The following GABRR2 variants were observed in gnomAD, a reference collection of about 807,000 sequenced individuals.
The protein encoded by GABRR2 is gamma-aminobutyric acid receptor subunit rho-2.
Under a neutral mutation model 47.0 loss-of-function variants are expected in GABRR2, and 36 were observed. The ratio of observed to expected loss-of-function variants is 0.77; its 90% CI spans 0.59 to 1.01. GABRR2 has a LOEUF of 1.01. Ranked by LOEUF, GABRR2 falls within the 50% of genes least tolerant of loss-of-function variation. The pLI is 0.00. For synonymous variants in GABRR2, 204 were observed against 227.5 expected (o/e 0.90, Z 0.93); for missense variants, 587 against 594.6 (o/e 0.99, Z 0.13).
chr6:89,269,121 C>T lies in GABRR2; in HGVS notation c.402G>A (p.Trp134Ter), dbSNP rs1773982723. ...TFDGRLVKKI[W>*]VPDVFFVHSK... Reference sequence around the variant, plus strand: ...AGTGAACAAAGAAGACATCAGGGACCCAGATCTTCTTCACCAGCCGGCCAT... The same window carrying T: ...AGTGAACAAAGAAGACATCAGGGACTCAGATCTTCTTCACCAGCCGGCCAT... Residue 134 changes from tryptophan (W) to a stop codon, truncating the protein, a stop_gained, in exon 4 of 9, where the codon TGG becomes TGA. Transcript: ENST00000402938. LOFTEE classifies it high-confidence loss of function. 1.2e-6 allele frequency: 2 copies of T among 1,614,010 alleles called. No homozygotes were observed. Among genetic ancestry groups the T allele is most frequent in the Admixed American group, 3.3e-5 (2 of 60,026 alleles).
chr6:89,282,132 ACT>A (rs139871150), intron 2 of GABRR2, among the ~76,000 whole-genome samples: 5,568 of 151,628 alleles, frequency 0.037, 353 homozygotes, highest in African/African-American at 0.13. Flanking sequence ...ATATATACAC[ACT>A]CTCTCACACA....
chr6:89,291,448 C>T (rs569552798), intron 2 of GABRR2, among the ~76,000 whole-genome samples: 2 of 152,156 alleles, frequency 1.3e-5, no homozygotes, highest in Admixed American at 6.5e-5. Context: ...TTTTGGTATG[C>T]CCCAGCTCTG....
At chr6:89,274,918 A>C (rs1267114096) in intron 2 of GABRR2, among the ~76,000 whole-genome samples, 1 of 151,880 alleles carries the variant, frequency 6.6e-6, no homozygotes, top group East Asian at 1.9e-4. Context: ...ACGCAAAGAG[A>C]CTTCTCTTTG....
chr6:89,262,436 C>T (rs1054316399), intron 8 of GABRR2, among the ~76,000 whole-genome samples: 3 of 152,176 alleles, frequency 2.0e-5, no homozygotes, highest in Admixed American at 2.0e-4. Flanking sequence ...ACACCTTCTC[C>T]TTCAAAGTGC....
intron 1 of GABRR2, among the ~76,000 whole-genome samples, chr6:89,310,324 T>G (rs1302268881): frequency 6.6e-6 from 1 of 152,180 alleles, no homozygotes; most frequent in Non-Finnish European, 1.5e-5. Context: ...GTCTGGCTTC[T>G]CCACAGCTGC....
chr6:89,268,013 C>T lies in GABRR2; in HGVS notation c.595+1G>A, dbSNP rs199951900. 1.9e-6 allele frequency: 3 copies of T among 1,610,236 alleles called. No homozygotes were observed. Among genetic ancestry groups the T allele is most frequent in the Middle Eastern group, 1.7e-4 (1 of 6,058 alleles). Reference sequence around the variant, plus strand: ...AAGGAATTAGGAATGCTGATACTTACAGCTCTCCAGCTCCAAAGAACAGGT... The same window carrying T: ...AAGGAATTAGGAATGCTGATACTTATAGCTCTCCAGCTCCAAAGAACAGGT... On this transcript the variant is annotated splice_donor_variant, in intron 5 of 8. Transcript: ENST00000402938. LOFTEE classifies it high-confidence loss of function.
At chr6:89,292,860 T>TACGA (rs1437383565) in intron 2 of GABRR2, among the ~76,000 whole-genome samples, 12 of 139,478 alleles carry the variant, frequency 8.6e-5, no homozygotes, top group Non-Finnish European at 9.1e-5. Context: ...ATATCATATA[T>TACGA]TATATATCTA....
In GABRR2 at chr6:89,301,860, T is replaced by C. The variant is rs534618082; in HGVS notation, c.114-1995A>G. The C allele has an allele frequency of 2.3e-4, 260 of 1,144,466 alleles. 3 individuals carry two copies. In the South Asian group the frequency reaches 3.0e-3, roughly 13 times the overall value. 70.9% of individuals were successfully genotyped at this position (1,144,466 alleles called of 1,614,324 possible). On this transcript the variant is annotated intron_variant, in intron 1 of 8. Coordinates refer to ENST00000402938, the MANE Select transcript of GABRR2 (RefSeq NM_002043.5). ...CCAAGTTCTGGGAAGTCATCAGTGA[T>C]GAGCATGGCATAGACCCCAGCGGCA...
At chr6:89,268,350 C>CT (rs991030687) in intron 4 of GABRR2, among the ~76,000 whole-genome samples, 2 of 152,224 alleles carry the variant, frequency 1.3e-5, no homozygotes, top group Non-Finnish European at 2.9e-5. Context: ...GTGCTGGCTG[C>CT]TAATGGCTCT....
chr6:89,307,393 A>G (rs2127850318), intron 1 of GABRR2, among the ~76,000 whole-genome samples: 1 of 152,312 alleles, frequency 6.6e-6, no homozygotes, highest in East Asian at 1.9e-4. Flanking sequence ...ATGATTCTCA[A>G]ACTTAGCTAC....
chr6:89,306,783 C>CA (rs5878088), intron 1 of GABRR2, among the ~76,000 whole-genome samples: 23,231 of 123,386 alleles, frequency 0.19, 1,802 homozygotes, highest in South Asian at 0.27. Flanking sequence ...TATTACTAAA[C>CA]AAAAAAAAAG....
intron 2 of GABRR2, among the ~76,000 whole-genome samples, chr6:89,293,774 G>A (rs889769752): frequency 1.1e-4 from 16 of 152,196 alleles, no homozygotes; most frequent in African/African-American, 2.4e-4. Flanking sequence ...GCAACAGAGC[G>A]AGACCATGTC....
chr6:89,279,435 CAGAG>C (rs1034119191), intron 2 of GABRR2, among the ~76,000 whole-genome samples: 13 of 151,922 alleles, frequency 8.6e-5, no homozygotes, highest in African/African-American at 3.1e-4. Context: ...GTGACAGAGA[CAGAG>C]AGAGGCAGAT....
chr6:89,279,909 C>G (rs533031494), intron 2 of GABRR2, among the ~76,000 whole-genome samples: 2 of 152,172 alleles, frequency 1.3e-5, no homozygotes, highest in Admixed American at 1.3e-4. Flanking sequence ...ATAAGATGTT[C>G]TCCATAAATA....
chr6:89,268,573 A>G (rs1447599708), intron 4 of GABRR2, among the ~76,000 whole-genome samples: 3 of 152,030 alleles, frequency 2.0e-5, no homozygotes, highest in Non-Finnish European at 4.4e-5. Flanking sequence ...AAGATGTGGA[A>G]CATGACTTCT....
intron 2 of GABRR2, among the ~76,000 whole-genome samples, chr6:89,298,927 G>A (rs1353124229): frequency 6.6e-6 from 1 of 152,178 alleles, no homozygotes; most frequent in African/African-American, 2.4e-5. Context: ...AGGTTACAGT[G>A]AGAAGGCACC....
chr6:89,293,172 T>C (rs1445016498), intron 2 of GABRR2, among the ~76,000 whole-genome samples: 4 of 152,200 alleles, frequency 2.6e-5, no homozygotes, highest in Non-Finnish European at 5.9e-5. Context: ...GAAGACATTA[T>C]GCTAGATGGA....
intron 2 of GABRR2, among the ~76,000 whole-genome samples, chr6:89,273,373 C>T (rs1166499991): frequency 6.6e-6 from 1 of 152,208 alleles, no homozygotes; most frequent in Non-Finnish European, 1.5e-5. Flanking sequence ...GCTGGAATTA[C>T]AGGCGCCTGC....
Position 89,257,776 on chromosome 6 carries a change from C to T in GABRR2, c.1292G>A (p.Gly431Asp). ...RKKGLLKGQT[G>D]FRIFQNTHAI... is the part of the protein sequence containing the mutation. ...ATGGGTATTCTGGAAGATACGAAAA[C>T]CCGTCTGGCCCTTCAGAAGCCCCTT... The change falls in exon 9 of 9, where the codon GGT becomes GAT. Residue 431 changes from glycine to aspartate, a missense_variant. Physicochemically the swap from Gly to Asp is moderately conservative, Grantham distance 94 (BLOSUM62 -1). Coordinates refer to ENST00000402938, the MANE Select transcript of GABRR2 (RefSeq NM_002043.5). 6.2e-7 allele frequency: 1 copy of T among 1,613,982 alleles called. No homozygotes were observed. The highest frequency in any genetic ancestry group is 8.5e-7 in the Non-Finnish European group (1 of 1,179,872).
Sources: gnomAD v4.1 joint callset for allele counts (sites outside exome capture counted in the v4.1 genomes callset) on GRCh38, gnomAD v4.1.1 for gene constraint, MANE v1.5 for transcripts, NCBI Gene and HGNC (gene_info 2026-07-23, HGNC 2026-07-21) for gene names.